NT5DC1: variants seen among roughly 807,000 people sequenced by gnomAD.
NT5DC1 encodes the protein 5'-nucleotidase domain containing 1.
In NT5DC1, 42 loss-of-function variants were observed where a neutral mutation model predicts 59.4. That is an observed-to-expected ratio of 0.71 (90% CI 0.55 to 0.92). The LOEUF is 0.92. Ranked by LOEUF, NT5DC1 falls within the 40% of genes least tolerant of loss-of-function variation. The pLI is 0.00. For missense variants in NT5DC1, 501 were observed against 537.1 expected (o/e 0.93, Z 0.66); for synonymous variants, 172 against 188.1 (o/e 0.91, Z 0.70).
intron 6 of NT5DC1, among the ~76,000 whole-genome samples, chr6:116,216,296 A>T (rs997751938): frequency 6.6e-6 from 1 of 152,098 alleles, no homozygotes; most frequent in African/African-American, 2.4e-5. Flanking sequence ...TACACAGAAA[A>T]TAATAGTAAG....
chr6:116,174,982 C>G (rs1394768226), intron 6 of NT5DC1, among the ~76,000 whole-genome samples: 1 of 151,960 alleles, frequency 6.6e-6, no homozygotes, highest in Non-Finnish European at 1.5e-5. Context: ...TATTGAATGA[C>G]CATAATAATC....
chr6:116,218,432 A>G (rs981949387), intron 6 of NT5DC1, among the ~76,000 whole-genome samples: 6 of 152,112 alleles, frequency 3.9e-5, no homozygotes, highest in Non-Finnish European at 7.4e-5. Flanking sequence ...TCTTGCTACA[A>G]AAGCTTTGTT....
chr6:116,137,727 A>T (rs1402815086), intron 6 of NT5DC1, among the ~76,000 whole-genome samples: 1 of 152,212 alleles, frequency 6.6e-6, no homozygotes, highest in Non-Finnish European at 1.5e-5. Context: ...GCATGTGTGC[A>T]ATACGTACCT....
chr6:116,164,330 A>G (rs1780414919), intron 6 of NT5DC1, among the ~76,000 whole-genome samples: 1 of 152,122 alleles, frequency 6.6e-6, no homozygotes, highest in African/African-American at 2.4e-5. Flanking sequence ...AGTCTTTATC[A>G]TGTATCATAC....
chr6:116,111,841 G>T (rs932760634), intron 4 of NT5DC1, among the ~76,000 whole-genome samples: 1 of 152,182 alleles, frequency 6.6e-6, no homozygotes, highest in Admixed American at 6.5e-5. Context: ...TCACACTGGG[G>T]TTAGATATAG....
intron 6 of NT5DC1, among the ~76,000 whole-genome samples, chr6:116,198,080 G>T (rs1275768044): frequency 6.6e-6 from 1 of 152,012 alleles, no homozygotes; most frequent in African/African-American, 2.4e-5. Flanking sequence ...TTCCAAGAGA[G>T]ATCCTGGTAA....
At position 116,240,866 on chromosome 6, in the gene NT5DC1, G is replaced by A. The variant is rs543221981; in HGVS notation, c.1252+1743G>A. On this transcript the variant is annotated intron_variant, in intron 11 of 11. Transcript: ENST00000319550. Reference sequence around the variant, plus strand: ...AAAGAATAAAAGTAAAATATTGGCCGGATGTGGTGGCTCACGCCTGTAATC... The same window carrying A: ...AAAGAATAAAAGTAAAATATTGGCCAGATGTGGTGGCTCACGCCTGTAATC... Among the ~76,000 whole-genome samples the A allele has an allele frequency of 4.1e-4, 62 of 152,270 alleles. 1 individual carries two copies. Among genetic ancestry groups the A allele is most frequent in the African/African-American group, 1.3e-3 (56 of 41,564 alleles).
At chr6:116,172,695 A>T (rs1392903375) in intron 6 of NT5DC1, among the ~76,000 whole-genome samples, 5 of 152,212 alleles carry the variant, frequency 3.3e-5, no homozygotes, top group African/African-American at 4.8e-5. Flanking sequence ...TATATTATTT[A>T]ATTACATAAG....
At chr6:116,157,123 T>C (rs1780215303) in intron 6 of NT5DC1, among the ~76,000 whole-genome samples, 2 of 152,212 alleles carry the variant, frequency 1.3e-5, no homozygotes, top group South Asian at 4.1e-4. Context: ...GGTATGAGAA[T>C]ATGGAAAACA....
At chr6:116,185,895 TC>T (rs1780984514) in intron 6 of NT5DC1, among the ~76,000 whole-genome samples, 1 of 152,108 alleles carries the variant, frequency 6.6e-6, no homozygotes, top group South Asian at 2.1e-4. Context: ...AGCATACTAT[TC>T]TATTCATCCT....
At chr6:116,156,710 ATAT>A (rs1168583649) in intron 6 of NT5DC1, among the ~76,000 whole-genome samples, 1 of 152,238 alleles carries the variant, frequency 6.6e-6, no homozygotes, top group Non-Finnish European at 1.5e-5. Flanking sequence ...TACTTTCATA[ATAT>A]TTGCTTTTAA....
At chr6:116,227,710 C>CT (rs2114548492) in intron 8 of NT5DC1, among the ~76,000 whole-genome samples, 1 of 151,824 alleles carries the variant, frequency 6.6e-6, no homozygotes, top group Admixed American at 6.5e-5. Flanking sequence ...TTCCCCAATG[C>CT]TTAGTGATGT....
At chr6:116,220,607 G>A (rs371307733) in intron 6 of NT5DC1, among the ~76,000 whole-genome samples, 205 of 152,236 alleles carry the variant, frequency 1.3e-3, no homozygotes, top group Non-Finnish European at 2.2e-3. Context: ...GGAACTCATC[G>A]CCCTTCTTGG....
chr6:116,221,143 C>T lies in NT5DC1; in HGVS notation c.619C>T (p.Gln207Ter), dbSNP rs1781790568. The change falls in exon 7 of 12, where the codon CAG (glutamine) becomes TAG (stop). Residue 207 changes from glutamine (Q) to a stop codon, truncating the protein, a stop_gained. Coordinates refer to ENST00000319550, the MANE Select transcript of NT5DC1 (RefSeq NM_152729.3). LOFTEE classifies it high-confidence loss of function. ...TGAATCTGTGAAAAAATGGCTTCGA[C>T]AGCTAAAGAATGCTGGGAAAATTCT... ...CPESVKKWLR[Q>*]LKNAGKILLL... The T allele has an allele frequency of 1.3e-6, 2 of 1,584,080 alleles. No individual in the cohort carries two copies. The highest frequency in any genetic ancestry group is 1.7e-5 in the Admixed American group (1 of 59,972).
At chr6:116,171,898 G>C (rs763241250) in intron 6 of NT5DC1, among the ~76,000 whole-genome samples, 1 of 152,192 alleles carries the variant, frequency 6.6e-6, no homozygotes, top group Non-Finnish European at 1.5e-5. Flanking sequence ...ATACAGGGAA[G>C]TTTAAGTCCG....
At chr6:116,233,079 G>A (rs1037273649) in intron 8 of NT5DC1, among the ~76,000 whole-genome samples, 1 of 151,956 alleles carries the variant, frequency 6.6e-6, no homozygotes, top group Non-Finnish European at 1.5e-5. Flanking sequence ...TAAGTTAAAG[G>A]GTTTGAGGAA....
Position 116,244,142 on chromosome 6 carries a change from T to C in NT5DC1, c.*118T>C, listed in dbSNP as rs1771792678. 2.0e-5 allele frequency: 10 copies of C among 489,318 alleles called. No homozygotes were observed. Among genetic ancestry groups the C allele is most frequent in the Non-Finnish European group, 3.7e-5 (10 of 271,650 alleles). 30.3% of individuals were successfully genotyped at this position (489,318 alleles called of 1,614,324 possible). On this transcript the variant is annotated 3_prime_UTR_variant, in exon 12 of 12. Transcript: ENST00000319550. ...AGTTTTATTGACCAATAAGTTGATATTTGTCCATAGGTCTCCTTTCTATAA... is the reference window on the plus strand; with the variant it reads ...AGTTTTATTGACCAATAAGTTGATACTTGTCCATAGGTCTCCTTTCTATAA...
chr6:116,185,798 G>A (rs1780982215), intron 6 of NT5DC1, among the ~76,000 whole-genome samples: 2 of 152,022 alleles, frequency 1.3e-5, no homozygotes, highest in African/African-American at 4.8e-5. Flanking sequence ...CAGATACTTG[G>A]TTGGTGAATT....
chr6:116,210,378 G>T (rs1222107317), intron 6 of NT5DC1, among the ~76,000 whole-genome samples: 1 of 150,698 alleles, frequency 6.6e-6, no homozygotes, highest in Non-Finnish European at 1.5e-5. Context: ...AAAAAAAAAA[G>T]AGTAAAGATT....
Sources: gnomAD v4.1 joint callset for allele counts (sites outside exome capture counted in the v4.1 genomes callset) on GRCh38, gnomAD v4.1.1 for gene constraint, MANE v1.5 for transcripts, NCBI Gene and HGNC (gene_info 2026-07-23, HGNC 2026-07-21) for gene names.